The following FLNB variants were observed in gnomAD, a reference collection of about 807,000 sequenced individuals.
FLNB encodes the protein filamin-B.
Under a neutral mutation model 250.6 loss-of-function variants are expected in FLNB, and 111 were observed. That is an observed-to-expected ratio of 0.44 (90% CI 0.38 to 0.52). The LOEUF is 0.52. Among genes scored for constraint, FLNB ranks in the 20% least tolerant of loss-of-function variants. The pLI is 0.00. For missense variants in FLNB, 2,869 were observed against 3,447.8 expected, an observed-to-expected ratio of 0.83 and a Z score of 4.20; for synonymous variants, 1,302 against 1,372.1, an observed-to-expected ratio of 0.95 and a Z score of 1.13.
At chr3:58,076,621 A>ATTT (rs1224866008) in intron 1 of FLNB, among the ~76,000 whole-genome samples, 2 of 141,012 alleles carry the variant, frequency 1.4e-5, no homozygotes, top group African/African-American at 5.2e-5. Flanking sequence ...TGCTCGGCTA[A>ATTT]TTTTTTTTTT....
At position 58,123,617 on chromosome 3, in the gene FLNB, C is replaced by T. The variant is rs771276246; in HGVS notation, c.3651C>T (p.Pro1217=). 95 of 1,612,574 alleles carry T rather than the reference C, an allele frequency of 5.9e-5. No individual in the cohort carries two copies. Among genetic ancestry groups the T allele is most frequent in the Middle Eastern group, 1.6e-4 (1 of 6,080 alleles). The stretch of plus-strand genomic sequence containing the variant: ...GTGGCGAACTCGTGCCACACTTCCC[C>T]GCCCGGGTCAAGGTGGAGCCCGCCG... The part of the protein sequence containing the change: ...KYGGELVPHF[P]ARVKVEPAVD... Residue 1217 remains proline, a synonymous_variant, in exon 21 of 46, where the codon CCC becomes CCT. Coordinates refer to ENST00000295956, the MANE Select transcript of FLNB (RefSeq NM_001457.4).
At chr3:58,095,058 C>A in intron 5 of FLNB, 104 bp downstream of exon 5, 3 of 947,846 alleles carry the variant, frequency 3.2e-6, no homozygotes, top group Non-Finnish European at 5.2e-6. Flanking sequence ...AGCTCACAAC[C>A]AAAAGTGTTT....
intron 8 of FLNB, among the ~76,000 whole-genome samples, chr3:58,100,852 G>A (rs2097249901): frequency 1.3e-5 from 2 of 151,716 alleles, no homozygotes; most frequent in African/African-American, 4.8e-5. Flanking sequence ...ACCTGCCTCG[G>A]CCTCCCAAAA....
At chr3:58,074,150 A>T (rs1283900865) in intron 1 of FLNB, among the ~76,000 whole-genome samples, 1 of 152,236 alleles carries the variant, frequency 6.6e-6, no homozygotes, top group Non-Finnish European at 1.5e-5. Context: ...GAATGATCAG[A>T]ATTACTCTTA....
In FLNB at chr3:58,136,746, C is replaced by CTTTTTTTTTTT. The variant is rs57053256; in HGVS notation, c.4861+591_4861+601dup. Among the ~76,000 whole-genome samples the CTTTTTTTTTTT allele has an allele frequency of 3.7e-3, 293 of 79,808 alleles. 26 individuals are homozygous for CTTTTTTTTTTT. Among genetic ancestry groups the CTTTTTTTTTTT allele is most frequent in the East Asian group, 0.013 (28 of 2,116 alleles). The allele number at this position is 79,808 out of a possible 152,430, so 52.4% of individuals were successfully genotyped here. On this transcript the variant is annotated intron_variant, in intron 28 of 45. Coordinates refer to ENST00000295956, the MANE Select transcript of FLNB (RefSeq NM_001457.4). ...CAACTATTGACTGTCACAGGCCATTCTTTTTTTTTTTTTTTTTTTTTTTGA... is the reference window on the plus strand; with the variant it reads ...CAACTATTGACTGTCACAGGCCATTCTTTTTTTTTTTTTTTTTTTTTTTTTTTTTTTTTTGA...
intron 29 of FLNB, among the ~76,000 whole-genome samples, chr3:58,140,077 C>G: frequency 6.6e-6 from 1 of 152,154 alleles, no homozygotes; most frequent in South Asian, 2.1e-4. Context: ...TGGTTTGGGT[C>G]TTTATTCTCT....
intron 3 of FLNB, 76 bp from the exon 4 acceptor site, chr3:58,081,553 A>C: frequency 1.5e-6 from 2 of 1,376,692 alleles, no homozygotes; most frequent in Non-Finnish European, 2.1e-6. Flanking sequence ...TGCTTGGTTT[A>C]AGAGGCATTT....
At chr3:58,143,941 A>T (rs1226951007) in intron 32 of FLNB, among the ~76,000 whole-genome samples, 1 of 152,116 alleles carries the variant, frequency 6.6e-6, no homozygotes, top group Non-Finnish European at 1.5e-5. Flanking sequence ...TGGCCTGCAG[A>T]GCCCTGTGTG....
chr3:58,040,611 A>G (rs1441262081), intron 1 of FLNB, among the ~76,000 whole-genome samples: 1 of 152,074 alleles, frequency 6.6e-6, no homozygotes, highest in Admixed American at 6.5e-5. Flanking sequence ...TCTCCTGCCT[A>G]AGCCTCCTGA....
At chr3:58,099,007 CT>C in intron 8 of FLNB, 99 bp downstream of exon 8, 1 of 1,001,470 alleles carries the variant, frequency 1.0e-6, no homozygotes, top group Non-Finnish European at 1.6e-6. Flanking sequence ...CAACATTGAC[CT>C]TATGCCTATC....
chr3:58,119,831 G>A (rs2097285448), intron 19 of FLNB, among the ~76,000 whole-genome samples: 1 of 152,140 alleles, frequency 6.6e-6, no homozygotes, highest in Non-Finnish European at 1.5e-5. Context: ...ACATATAGAT[G>A]TGCCTGTGGA....
At chr3:58,112,732 C>T (rs1425589045) in intron 18 of FLNB, among the ~76,000 whole-genome samples, 2 of 152,228 alleles carry the variant, frequency 1.3e-5, no homozygotes, top group Admixed American at 6.5e-5. Context: ...TAATTACCCA[C>T]AGAAAAAGAG....
Position 58,123,629 on chromosome 3 carries a change from G to C in FLNB, c.3663G>C (p.Lys1221Asn), listed in dbSNP as rs1409651611. Residue 1221 changes from lysine to asparagine, a missense_variant, in exon 21 of 46, where the codon AAG (lysine) becomes AAC (asparagine). By Grantham distance (94) the Lys-to-Asn change is moderately conservative. Around this residue, in one of 5 missense-constraint regions of FLNB, gnomAD observed 1,348 missense variants for 1,466.7 expected, o/e 0.92. Coordinates refer to ENST00000295956, the MANE Select transcript of FLNB (RefSeq NM_001457.4). ...ELVPHFPARV[K>N]VEPAVDTSRI... ...TGCCACACTTCCCCGCCCGGGTCAA[G>C]GTGGAGCCCGCCGTGGACACCAGCA... 6.2e-7 allele frequency: 1 copy of C among 1,611,916 alleles called. No homozygotes were observed. The highest frequency in any genetic ancestry group is 1.3e-5 in the African/African-American group (1 of 74,490).
intron 18 of FLNB, 100 bp downstream of exon 18, chr3:58,112,418 C>G: frequency 1.6e-6 from 2 of 1,276,114 alleles, no homozygotes; most frequent in South Asian, 1.2e-5. Context: ...GTGAGAGGTG[C>G]TCTGCCAAAG....
chr3:58,036,858 G>T (rs1350180052), intron 1 of FLNB, among the ~76,000 whole-genome samples: 1 of 152,184 alleles, frequency 6.6e-6, no homozygotes, highest in East Asian at 1.9e-4. Flanking sequence ...GCAAGATGGA[G>T]TCGGTTAGGT....
chr3:58,102,193 G>A lies in FLNB; in HGVS notation c.1346-10G>A. 1.9e-6 allele frequency: 3 copies of A among 1,614,140 alleles called. No homozygotes were observed. Among genetic ancestry groups the A allele is most frequent in the Non-Finnish European group, 2.5e-6 (3 of 1,180,006 alleles). ...GAAAGATTGAATTGATGTCAAAACT[G>A]TGCTTGCAGCCTGCAATCCAAATGC... On this transcript the variant is annotated splice_polypyrimidine_tract_variant and intron_variant, in intron 8 of 45. Transcript: ENST00000295956.
chr3:58,070,586 G>T (rs1319522438), intron 1 of FLNB, among the ~76,000 whole-genome samples: 1 of 151,984 alleles, frequency 6.6e-6, no homozygotes, highest in Middle Eastern at 3.2e-3. Flanking sequence ...TTCCCCAGAT[G>T]GCCAAGTCTT....
At chr3:58,130,584 T>C (rs2097305622) in intron 24 of FLNB, among the ~76,000 whole-genome samples, 157 bp from the exon 25 acceptor site, 2 of 152,230 alleles carry the variant, frequency 1.3e-5, no homozygotes, top group Middle Eastern at 3.4e-3. Flanking sequence ...TTGACAACAA[T>C]GAGTAGGCAC....
intron 4 of FLNB, among the ~76,000 whole-genome samples, chr3:58,094,343 C>T (rs1182810555): frequency 6.6e-6 from 1 of 152,224 alleles, no homozygotes; most frequent in Non-Finnish European, 1.5e-5. Context: ...GCTGGGATTA[C>T]AGGCATGAGC....
Sources: gnomAD v4.1 joint callset for allele counts (sites outside exome capture counted in the v4.1 genomes callset) on GRCh38, gnomAD v4.1.1 for gene constraint, gnomAD v4.1.1 regional missense constraint, MANE v1.5 for transcripts, NCBI Gene and HGNC (gene_info 2026-07-23, HGNC 2026-07-21) for gene names.